Variants in LCLAT1 observed in about 807,000 individuals in gnomAD.
The protein encoded by LCLAT1 is lysocardiolipin acyltransferase 1.
Under a neutral mutation model 30.7 loss-of-function variants are expected in LCLAT1, and 11 were observed. That is an observed-to-expected ratio of 0.36 (90% confidence interval 0.23 to 0.59). The LOEUF is 0.59. LCLAT1 is among the 20% of genes least tolerant of loss of function. The pLI is 0.77. For missense variants in LCLAT1, 402 were observed against 458.6 expected (o/e 0.88, Z 1.13); for synonymous variants, 155 against 151.3 (o/e 1.02, Z -0.18).
chr2:30,562,211 T>C lies in LCLAT1; in HGVS notation c.430T>C (p.Phe144Leu). 1.2e-6 allele frequency: 2 copies of C among 1,613,422 alleles called. No individual in the cohort carries two copies. Among genetic ancestry groups the C allele is most frequent in the Non-Finnish European group, 1.7e-6 (2 of 1,179,484 alleles). ...GAAATGGAAGGATGACAAGAGCCAT[T>C]TCGAAGACATGATTGATTACTTTTG... ...HRKWKDDKSHFEDMIDYFCDI... is the reference protein window; with the variant it reads ...HRKWKDDKSHLEDMIDYFCDI... The change falls in exon 4 of 6, where the codon TTC becomes CTC. Residue 144 changes from phenylalanine (F) to leucine (L), a missense_variant. By Grantham distance (22) the Phe-to-Leu change is conservative. Transcript: ENST00000379509.
intron 1 of LCLAT1, among the ~76,000 whole-genome samples, chr2:30,456,133 T>G (rs1411514178): frequency 6.6e-6 from 1 of 152,166 alleles, no homozygotes; most frequent in African/African-American, 2.4e-5. Flanking sequence ...TGGTAGTTTG[T>G]GCTTTTGAGG....
intron 1 of LCLAT1, among the ~76,000 whole-genome samples, chr2:30,510,290 A>G (rs1684878732): frequency 6.6e-6 from 1 of 152,122 alleles, no homozygotes; most frequent in Admixed American, 6.5e-5. Flanking sequence ...ATTGTATGGG[A>G]AGTCACTTTT....
Position 30,577,828 on chromosome 2 carries a change from A to G in LCLAT1, c.628+9652A>G, listed in dbSNP as rs116473055. Reference sequence around the variant, plus strand: ...TTCTTCTTTGTCTTTGACCATGGCCATTATCTCTGTTGTTCATGCTACCTG... The same window carrying G: ...TTCTTCTTTGTCTTTGACCATGGCCGTTATCTCTGTTGTTCATGCTACCTG... On this transcript the variant is annotated intron_variant, in intron 5 of 5. Transcript: ENST00000379509. Among the ~76,000 whole-genome samples, 706 of 152,010 alleles carry G rather than the reference A, an allele frequency of 4.6e-3. 2 individuals are homozygous for G. Among genetic ancestry groups the G allele is most frequent in the Middle Eastern group, 0.017 (5 of 294 alleles).
At chr2:30,464,234 T>G (rs1682312172) in intron 1 of LCLAT1, among the ~76,000 whole-genome samples, 1 of 152,186 alleles carries the variant, frequency 6.6e-6, no homozygotes, top group African/African-American at 2.4e-5. Flanking sequence ...ATGTGACTCT[T>G]GATTCTTGGC....
chr2:30,460,873 C>T (rs192189189), intron 1 of LCLAT1, among the ~76,000 whole-genome samples: 2 of 152,142 alleles, frequency 1.3e-5, no homozygotes, highest in South Asian at 2.1e-4. Context: ...CATATAAAAA[C>T]CCTGGAATAG....
At chr2:30,559,568 C>T (rs1018527607) in intron 3 of LCLAT1, among the ~76,000 whole-genome samples, 5 of 152,164 alleles carry the variant, frequency 3.3e-5, no homozygotes, top group African/African-American at 9.7e-5. Context: ...TATTCTATTG[C>T]AAAGTTATCT....
rs1685510367 is a variant in LCLAT1, at chr2:30,522,208, T to G, written c.-4-3379T>G. Among the ~76,000 whole-genome samples the G allele has an allele frequency of 2.0e-5, 3 of 152,218 alleles. No individual in the cohort carries two copies. In the South Asian group the frequency reaches 6.2e-4, roughly 31 times the overall value. On this transcript the variant is annotated intron_variant, in intron 1 of 5. Coordinates refer to ENST00000379509, the MANE Select transcript of LCLAT1 (RefSeq NM_001002257.3). ...ATACATTTTCATTTGTCTTGGATAT[T>G]CAGTAGAATTTCTGGGTTTTATTGT...
At chr2:30,454,397 A>G (rs1228405608) in intron 1 of LCLAT1, among the ~76,000 whole-genome samples, 4 of 152,204 alleles carry the variant, frequency 2.6e-5, no homozygotes, top group Non-Finnish European at 4.4e-5. Context: ...TACTGGGTTA[A>G]CATACTTCTT....
intron 3 of LCLAT1, among the ~76,000 whole-genome samples, chr2:30,560,304 G>GTGTGTGTGTGTGTGTGTGTGTGTT: frequency 6.6e-6 from 1 of 150,448 alleles, no homozygotes; most frequent in Non-Finnish European, 1.5e-5. Context: ...GTGTGTGTGT[G>GTGTGTGTGTGTGTGTGTGTGTGTT]TGTGTGTGTG....
chr2:30,469,600 A>T (rs1682667708), intron 1 of LCLAT1, among the ~76,000 whole-genome samples: 1 of 114,926 alleles, frequency 8.7e-6, no homozygotes, highest in Admixed American at 1.1e-4. Flanking sequence ...TTTTTTTGAG[A>T]CGGAGTCTAG....
At chr2:30,569,711 G>GT (rs1474614677) in intron 5 of LCLAT1, among the ~76,000 whole-genome samples, 6 of 152,126 alleles carry the variant, frequency 3.9e-5, no homozygotes, top group Non-Finnish European at 5.9e-5. Context: ...TTATAACCAA[G>GT]TACCCATGAT....
chr2:30,496,968 C>T (rs143707460), intron 1 of LCLAT1, among the ~76,000 whole-genome samples: 2 of 152,210 alleles, frequency 1.3e-5, no homozygotes, highest in Non-Finnish European at 2.9e-5. Context: ...CTTGTTATAG[C>T]TTTCATAGCC....
At chr2:30,627,400 A>AC (rs1441353470) in intron 5 of LCLAT1, among the ~76,000 whole-genome samples, 5 of 152,136 alleles carry the variant, frequency 3.3e-5, no homozygotes, top group Non-Finnish European at 7.4e-5. Flanking sequence ...TTAGAGGCTG[A>AC]CCCCTCCTCT....
At chr2:30,486,186 A>G (rs536849780) in intron 1 of LCLAT1, among the ~76,000 whole-genome samples, 1 of 152,320 alleles carries the variant, frequency 6.6e-6, no homozygotes, top group East Asian at 1.9e-4. Context: ...TGACTTTGTT[A>G]TAGTCAGGAA....
Position 30,640,205 on chromosome 2 carries a change from T to C in LCLAT1, c.717T>C (p.Phe239=), listed in dbSNP as rs956586125. ...QSEKHLLQGD[F]PREIHFHVHR... ...AGAAGCACCTCCTCCAAGGAGACTT[T>C]CCCAGGGAAATCCACTTTCACGTCC... The change falls in exon 6 of 6, where the codon TTT becomes TTC. Residue 239 remains phenylalanine (F), a synonymous_variant. Transcript: ENST00000379509. 2 of 1,614,100 alleles carry C rather than the reference T, an allele frequency of 1.2e-6. No individual in the cohort carries two copies. The highest frequency in any genetic ancestry group is 2.2e-5 in the East Asian group (1 of 44,884).
chr2:30,448,414 C>T (rs1558442512), intron 1 of LCLAT1, among the ~76,000 whole-genome samples: 1 of 152,124 alleles, frequency 6.6e-6, no homozygotes, highest in Non-Finnish European at 1.5e-5. Context: ...GTTTCTGTTG[C>T]ACATTGTACT....
chr2:30,568,273 A>G (rs1159391375), intron 5 of LCLAT1, 97 bp downstream of exon 5: 3 of 590,016 alleles, frequency 5.1e-6, no homozygotes, highest in Non-Finnish European at 9.0e-6. Flanking sequence ...ATTTTTTACT[A>G]CTTTGTCTCA....
intron 1 of LCLAT1, among the ~76,000 whole-genome samples, chr2:30,462,392 T>A (rs992259703): frequency 1.3e-5 from 2 of 152,216 alleles, no homozygotes; most frequent in Admixed American, 1.3e-4. Flanking sequence ...GGTGATAAGA[T>A]GCTTCTAGAG....
At chr2:30,631,664 A>G (rs562541721) in intron 5 of LCLAT1, among the ~76,000 whole-genome samples, 39 of 152,330 alleles carry the variant, frequency 2.6e-4, no homozygotes, top group African/African-American at 9.4e-4. Context: ...GCATTATGTG[A>G]AAAATATTCC....
Sources: allele counts gnomAD v4.1 joint callset (sites outside exome capture counted in the v4.1 genomes callset), GRCh38; gene constraint gnomAD v4.1.1; transcripts MANE v1.5; gene names NCBI Gene and HGNC (gene_info 2026-07-23, HGNC 2026-07-21).